SERPINB9: variants seen among roughly 807,000 people sequenced by gnomAD.
The protein encoded by SERPINB9 is serpin B9.
In SERPINB9, 20 loss-of-function variants were observed where a neutral mutation model predicts 27.2. That is an observed-to-expected ratio of 0.74 (90% confidence interval 0.52 to 1.07). SERPINB9 has a LOEUF of 1.07. Ranked by LOEUF, SERPINB9 falls within the 50% of genes least tolerant of loss-of-function variation. The pLI, the probability that SERPINB9 is intolerant of heterozygous loss-of-function variation, is 0.00. For synonymous variants in SERPINB9, 189 were observed against 180.0 expected, an observed-to-expected ratio of 1.05 and a Z score of -0.40; for missense variants, 476 against 460.1, an observed-to-expected ratio of 1.03 and a Z score of -0.32.
chr6:2,892,880 A>G (rs1280460243), intron 5 of SERPINB9, among the ~76,000 whole-genome samples: 1 of 152,014 alleles, frequency 6.6e-6, no homozygotes, highest in Admixed American at 6.6e-5. Context: ...TTTGTCATGA[A>G]GTTTTAATAT....
intron 1 of SERPINB9, among the ~76,000 whole-genome samples, chr6:2,900,885 T>TCTCTCTCACA (rs61100591): frequency 7.1e-6 from 1 of 141,482 alleles, no homozygotes; most frequent in African/African-American, 2.8e-5. Flanking sequence ...GCTCGCTCTC[T>TCTCTCTCACA]CACACACACA....
chr6:2,892,136 A>AAAAAAAAAAG (rs1157022132), intron 5 of SERPINB9, 148 bp from the exon 6 acceptor site: 1 of 718,812 alleles, frequency 1.4e-6, no homozygotes, highest in African/African-American at 2.0e-5. Context: ...AAAAAAAAAA[A>AAAAAAAAAAG]GTCAACCAGT....
At position 2,888,446 on chromosome 6, in the gene SERPINB9, A is replaced by G. The variant is rs1767666826; in HGVS notation, c.*1717T>C. On this transcript the variant is annotated 3_prime_UTR_variant, in exon 7 of 7. Coordinates refer to ENST00000380698, the MANE Select transcript of SERPINB9 (RefSeq NM_004155.6). ...GTCAGAAACAACCCAAAGTCCATCAATGAATGAGTGGATAAATAAATTGTG... is the reference window on the plus strand; with the variant it reads ...GTCAGAAACAACCCAAAGTCCATCAGTGAATGAGTGGATAAATAAATTGTG... 6.6e-6 allele frequency: 1 copy of G among 152,250 alleles called. No homozygotes were observed. The highest frequency in any genetic ancestry group is 1.5e-5 in the Non-Finnish European group (1 of 68,038). The allele number at this position is 152,250 out of a possible 1,614,324, so 9.4% of individuals were successfully genotyped here.
intron 1 of SERPINB9, among the ~76,000 whole-genome samples, chr6:2,901,724 C>G: frequency 6.6e-6 from 1 of 152,124 alleles, no homozygotes; most frequent in Non-Finnish European, 1.5e-5. Context: ...TCTCCCCCTC[C>G]TCCCCCACAC....
At chr6:2,899,635 G>A (rs1171863197) in intron 2 of SERPINB9, among the ~76,000 whole-genome samples, 1 of 152,094 alleles carries the variant, frequency 6.6e-6, no homozygotes, top group East Asian at 1.9e-4. Flanking sequence ...ATCTTTTAGA[G>A]AGCCTCTCTG....
chr6:2,900,700 G>A (rs1768168909), intron 1 of SERPINB9, 79 bp from the exon 2 acceptor site: 2 of 1,232,194 alleles, frequency 1.6e-6, no homozygotes, highest in Non-Finnish European at 2.3e-6. Context: ...GGGCAATTTT[G>A]GAATCGTACT....
intron 5 of SERPINB9, among the ~76,000 whole-genome samples, chr6:2,892,686 AC>A (rs1419435792): frequency 6.6e-6 from 1 of 152,050 alleles, no homozygotes; most frequent in Non-Finnish European, 1.5e-5. Flanking sequence ...TCCTCCTCCC[AC>A]CCTTTGCAAC....
chr6:2,891,165 G>C lies in SERPINB9; in HGVS notation c.724-595C>G, dbSNP rs543315963. Among the ~76,000 whole-genome samples, 9 of 152,290 alleles carry C rather than the reference G, an allele frequency of 5.9e-5. No homozygotes were observed. The East Asian group carries it at 1.7e-3, about 29-fold the overall frequency. On this transcript the variant is annotated intron_variant, in intron 6 of 6. Transcript: ENST00000380698. The surrounding 1 kb of genome is among the most constrained non-coding windows in gnomAD (Gnocchi z 4.0). ...GGTCCCACTGCCTGCCATTTGCCAT[G>C]GTTGACTCTCTCACCCTGGAGATCC...
chr6:2,903,004 C>T lies in SERPINB9; in HGVS notation c.-11+197G>A, dbSNP rs1768253351. On this transcript the variant is annotated intron_variant, in intron 1 of 6. Coordinates refer to ENST00000380698, the MANE Select transcript of SERPINB9 (RefSeq NM_004155.6). The surrounding 1 kb of genome is among the most constrained non-coding windows in gnomAD (Gnocchi z 5.2). ...AGGCGTCCGCGGTGGCTGTGGGCCG[C>T]CAAGGCGGAGACCGGCTGCCGCTCC... is the stretch of plus-strand genomic sequence containing the variant. Among the ~76,000 whole-genome samples the T allele has an allele frequency of 6.6e-6, 1 of 152,172 alleles. No homozygotes were observed.
At chr6:2,899,082 T>C (rs1188441991) in intron 2 of SERPINB9, among the ~76,000 whole-genome samples, 1 of 152,170 alleles carries the variant, frequency 6.6e-6, no homozygotes. Flanking sequence ...AGTTGAACAC[T>C]GGAGCCATGG....
rs1316502756 is a variant in SERPINB9 at position 2,889,261 on chromosome 6, A to G, written c.*902T>C. On this transcript the variant is annotated 3_prime_UTR_variant, in exon 7 of 7. Transcript: ENST00000380698. The stretch of plus-strand genomic sequence containing the variant: ...AGACATTAAACAGTCCAACCTGGTC[A>G]TTGTCAAAACTATATACGTTGGGCA... 7 of 152,250 alleles carry G rather than the reference A, an allele frequency of 4.6e-5. No individual in the cohort carries two copies. Among genetic ancestry groups the G allele is most frequent in the Admixed American group, 3.9e-4 (6 of 15,284 alleles). The allele number at this position is 152,250 out of a possible 1,614,324, so 9.4% of individuals were successfully genotyped here.
At position 2,890,534 on chromosome 6, in the gene SERPINB9, AG is replaced by A; in HGVS notation, c.759del (p.Trp254GlyfsTer7). 1 of 1,611,164 alleles carries A rather than the reference AG, an allele frequency of 6.2e-7. No individual in the cohort carries two copies. Among genetic ancestry groups the A allele is most frequent in the Non-Finnish European group, 8.5e-7 (1 of 1,177,686 alleles). Reference protein sequence around the residue: ...EKSLTFEKLTAWTKPDCMKST... With the variant: ...EKSLTFEKLTXWTKPDCMKST... The stretch of plus-strand genomic sequence containing the variant: ...CTCTTCATACAGTCTGGCTTGGTCC[AG>A]GCTGTGAGTTTCTCAAAAGTGAGAC... On this transcript the variant is annotated frameshift_variant, in exon 7 of 7. Transcript: ENST00000380698. LOFTEE classifies it low-confidence loss of function (END_TRUNC). The surrounding 1 kb of genome is among the most constrained non-coding windows in gnomAD (Gnocchi z 6.2).
At position 2,898,864 on chromosome 6, in the gene SERPINB9, G is replaced by C. The variant is rs578062303; in HGVS notation, c.168+1580C>G. ...GGAGGAAGATGCTTTACATTATCAA[G>C]GGTGGTTGTCTCTGTTTGATGGATT... On this transcript the variant is annotated intron_variant, in intron 2 of 6. Transcript: ENST00000380698. Among the ~76,000 whole-genome samples the C allele has an allele frequency of 1.4e-4, 21 of 151,902 alleles. No homozygotes were observed. The East Asian group carries it at 3.3e-3, about 24-fold the overall frequency.
chr6:2,893,408 C>T lies in SERPINB9; in HGVS notation c.567+3G>A, dbSNP rs1218277670. 6.3e-7 allele frequency: 1 copy of T among 1,598,124 alleles called. No homozygotes were observed. Among genetic ancestry groups the T allele is most frequent in the South Asian group, 1.1e-5 (1 of 88,216 alleles). ...TAGCAGGATTTTAAAAAGCTTCCCC[C>T]ACCTGGTTTATTTTAAAGGGCATTT... On this transcript the variant is annotated splice_donor_region_variant and intron_variant, in intron 5 of 6. Coordinates refer to ENST00000380698, the MANE Select transcript of SERPINB9 (RefSeq NM_004155.6).
Position 2,895,495 on chromosome 6 carries a change from G to A in SERPINB9, c.320C>T (p.Ser107Phe). 6.2e-7 allele frequency: 1 copy of A among 1,612,674 alleles called. No individual in the cohort carries two copies. The highest frequency in any genetic ancestry group is 8.5e-7 in the Non-Finnish European group (1 of 1,179,162). ...CTCAGCATGGTAGAATTGAAGACAG[G>A]ATTCCTTAAACGTCTTTGGAGAGAA... Reference protein sequence around the residue: ...TCQFLSTFKESCLQFYHAELK... With the variant: ...TCQFLSTFKEFCLQFYHAELK... Residue 107 changes from serine (S) to phenylalanine (F), a missense_variant, in exon 4 of 7, where the codon TCC becomes TTC. By Grantham distance (155) the Ser-to-Phe change is radical. Transcript: ENST00000380698.
At position 2,900,636 on chromosome 6, in the gene SERPINB9, TAA is replaced by T. The variant is rs746142818; in HGVS notation, c.-10-17_-10-16del. The T allele has an allele frequency of 1.2e-6, 2 of 1,610,682 alleles. No individual in the cohort carries two copies. The highest frequency in any genetic ancestry group is 1.7e-6 in the Non-Finnish European group (2 of 1,177,682). On this transcript the variant is annotated splice_polypyrimidine_tract_variant and intron_variant, in intron 1 of 6. Coordinates refer to ENST00000380698, the MANE Select transcript of SERPINB9 (RefSeq NM_004155.6). The stretch of plus-strand genomic sequence containing the variant: ...TGATGCAGGGCCTGGAAGGGAAGAA[TAA>T]AGAGAAATGCAGTTTCCACACTCCC...
At chr6:2,895,922 G>GA (rs1401301072) in intron 3 of SERPINB9, 131 bp downstream of exon 3, 2,491 of 945,164 alleles carry the variant, frequency 2.6e-3, no homozygotes, top group Non-Finnish European at 2.9e-3. Flanking sequence ...CCCCATCTTA[G>GA]AAAAAAAAAT....
rs753329725 is a variant in SERPINB9 at position 2,890,168 on chromosome 6, G to A, written c.1126C>T (p.Pro376Ser). 16 of 1,612,284 alleles carry A rather than the reference G, an allele frequency of 9.9e-6. No homozygotes were observed. The South Asian group carries it at 1.1e-4, about 11-fold the overall frequency. The change falls in exon 7 of 7, where the codon CCA (proline) becomes TCA (serine). Residue 376 changes from proline (P) to serine (S), a missense_variant. By Grantham distance (74) the Pro-to-Ser change is moderately conservative (BLOSUM62 -1). Coordinates refer to ENST00000380698, the MANE Select transcript of SERPINB9 (RefSeq NM_004155.6). This position sits in a 1 kb window ranked among gnomAD's most constrained non-coding sequence, Gnocchi z 6.2. Reference protein sequence around the residue: ...SILFCGRFSSP With the variant: ...SILFCGRFSSS ...GTGCACGGTAAGTGCACCCTTTATGGCGATGAGAACCTGCCACAGAACAGA... is the reference window on the plus strand; with the variant it reads ...GTGCACGGTAAGTGCACCCTTTATGACGATGAGAACCTGCCACAGAACAGA...
At chr6:2,900,347 C>G (rs956835262) in intron 2 of SERPINB9, 97 bp downstream of exon 2, 2 of 1,464,334 alleles carry the variant, frequency 1.4e-6, no homozygotes, top group African/African-American at 2.8e-5. Flanking sequence ...CCCAGTCCTG[C>G]CCTCCTTTCT....
Sources: allele counts gnomAD v4.1 joint callset (sites outside exome capture counted in the v4.1 genomes callset), GRCh38; gene constraint gnomAD v4.1.1; non-coding constraint Gnocchi (gnomAD v3.1); transcripts MANE v1.5; gene names NCBI Gene and HGNC (gene_info 2026-07-23, HGNC 2026-07-21).